The following CIC variants were observed in gnomAD, a reference collection of about 807,000 sequenced individuals.
The protein encoded by CIC is capicua transcriptional repressor.
In CIC, 18 loss-of-function variants were observed where a neutral mutation model predicts 115.7. The observed-to-expected ratio is 0.16, with a 90% CI of 0.11 to 0.23. The LOEUF is 0.23. CIC is among the 10% of genes least tolerant of loss of function. The pLI, the probability that CIC is intolerant of heterozygous loss-of-function variation, is 1.00. For missense variants in CIC, 2,000 were observed against 2,159.3 expected (o/e 0.93, Z 1.46); for synonymous variants, 1,076 against 923.0 (o/e 1.17, Z -3.01).
In CIC at chr19:42,280,338, AG is replaced by A. The variant is rs2037171787; in HGVS notation, c.2794+5762del. On this transcript the variant is annotated intron_variant, in intron 2 of 20. Coordinates refer to ENST00000681038, the MANE Select transcript of CIC (RefSeq NM_001386298.1). The surrounding 1 kb of genome is among the most constrained non-coding windows in gnomAD (Gnocchi z 4.9). ...CCTCTGAGCCTGTTTCTTGCGAAGT[AG>A]TCGGGGAAACCGGGTGCTCCGGGGG... 5 of 152,288 alleles carry A rather than the reference AG, an allele frequency of 3.3e-5. No homozygotes were observed. The South Asian group carries it at 1.0e-3, about 32-fold the overall frequency. 9.4% of individuals were successfully genotyped at this position (152,288 alleles called of 1,614,324 possible).
chr19:42,278,330 C>T (rs1380344155), intron 2 of CIC, among the ~76,000 whole-genome samples: 1 of 152,266 alleles, frequency 6.6e-6, no homozygotes, highest in Non-Finnish European at 1.5e-5. Flanking sequence ...CTGGCTTCCC[C>T]TTGTTGACAG....
At chr19:42,291,805 TTG>T in intron 12 of CIC, 60 bp downstream of exon 12, 1 of 1,597,124 alleles carries the variant, frequency 6.3e-7, no homozygotes, top group East Asian at 2.2e-5. Context: ...CATCATTTCT[TTG>T]TCTTTTTTTT....
Position 42,273,187 on chromosome 19 carries a change from C to G in CIC, c.1404C>G (p.Ala468=). Residue 468 remains alanine, a synonymous_variant, in exon 2 of 21, where the codon GCC becomes GCG. Transcript: ENST00000681038. ...ASLEKGTAPA[A]RARTPLTAAQ... The stretch of plus-strand genomic sequence containing the variant: ...TGGAAAAGGGGACAGCACCGGCAGC[C>G]CGGGCCCGCACGCCACTGACAGCCG... The G allele has an allele frequency of 2.5e-6, 1 of 398,806 alleles. No homozygotes were observed. The highest frequency in any genetic ancestry group is 4.4e-6 in the Non-Finnish European group (1 of 226,208). 24.7% of individuals were successfully genotyped at this position (398,806 alleles called of 1,614,324 possible).
chr19:42,294,030 T>G lies in CIC; in HGVS notation c.6863T>G (p.Leu2288Arg). 1 of 1,613,620 alleles carries G rather than the reference T, an allele frequency of 6.2e-7. No homozygotes were observed. The highest frequency in any genetic ancestry group is 1.1e-5 in the South Asian group (1 of 91,084). ...EVLPSPTLQS[L>R]ATSPRAILGS... Reference sequence around the variant, plus strand: ...CTGCCCTCCCCCACCCTGCAGTCTCTGGCCACCTCACCCCGGGCCATCCTG... The same window carrying G: ...CTGCCCTCCCCCACCCTGCAGTCTCGGGCCACCTCACCCCGGGCCATCCTG... Residue 2288 changes from leucine to arginine, a missense_variant, in exon 18 of 21, where the codon CTG (leucine) becomes CGG (arginine). By Grantham distance (102) the Leu-to-Arg change is moderately radical (BLOSUM62 -2). This residue lies in a region of CIC where 99 missense variants were observed against 217.6 expected (regional missense o/e 0.45). Transcript: ENST00000681038.
chr19:42,286,350 T>C (rs1372205082), intron 2 of CIC, among the ~76,000 whole-genome samples: 2 of 151,954 alleles, frequency 1.3e-5, no homozygotes, highest in Non-Finnish European at 2.9e-5. Flanking sequence ...AGACGCTGTG[T>C]TGGGCGGCGA....
At chr19:42,277,419 G>A (rs1027013973) in intron 2 of CIC, among the ~76,000 whole-genome samples, 1 of 152,106 alleles carries the variant, frequency 6.6e-6, no homozygotes, top group Non-Finnish European at 1.5e-5. Context: ...TAGTAGAGCC[G>A]AGGTTTCACC....
rs1175785554 is a variant in CIC, at chr19:42,291,291, C to T, written c.5250C>T (p.Ala1750=). 3 of 1,612,806 alleles carry T rather than the reference C, an allele frequency of 1.9e-6. No individual in the cohort carries two copies. The highest frequency in any genetic ancestry group is 2.2e-5 in the East Asian group (1 of 44,870). Residue 1750 remains alanine, a synonymous_variant, in exon 11 of 21, where the codon GCC becomes GCT. Transcript: ENST00000681038. ...CCCAGCAGCTTCAGGTGGCACCTGC[C>T]CCAGCACCAGCCCCTGGGACCAAGG... is the stretch of plus-strand genomic sequence containing the variant. ...TLPQQLQVAP[A]PAPAPGTKAA...
rs993850345 is a variant in CIC, at chr19:42,293,056, G to A, written c.6297G>A (p.Gly2099=). ...CAGCCATCGCCAGCATTCCCGTGGG[G>A]TCCTTTGAGGCAGGTGCCTCTGGGC... ...VKAAIASIPV[G]SFEAGASGRP... is the part of the protein sequence containing the mutation. Residue 2099 remains glycine, a synonymous_variant, in exon 16 of 21, where the codon GGG becomes GGA. Coordinates refer to ENST00000681038, the MANE Select transcript of CIC (RefSeq NM_001386298.1). The A allele has an allele frequency of 6.2e-7, 1 of 1,612,720 alleles. No homozygotes were observed. The highest frequency in any genetic ancestry group is 1.3e-5 in the African/African-American group (1 of 75,050).
rs1453091952 is a variant in CIC, at chr19:42,269,312, G to T, written c.-80G>T. 6.7e-6 allele frequency: 1 copy of T among 150,366 alleles called. No homozygotes were observed. Among genetic ancestry groups the T allele is most frequent in the African/African-American group, 2.5e-5 (1 of 40,782 alleles). The allele number at this position is 150,366 out of a possible 1,614,324, so 9.3% of individuals were successfully genotyped here. A position where few individuals can be genotyped will look rare whatever the true frequency, so the allele number is the denominator to read the frequency against. On this transcript the variant is annotated 5_prime_UTR_variant, in exon 1 of 21. Transcript: ENST00000681038. ...AATCGAGAGGGAGAGCCGGAGGGGG[G>T]GCGGGGAGGGACCGGACCGGACCGA...
Position 42,287,257 on chromosome 19 carries a change from C to T in CIC, c.3179+17C>T, listed in dbSNP as rs2147185904. ...TGATGATGCGTGAGTTCCCTGAGGCCTGGGACTTGGGGGTGGGATGGCCAG... is the reference window on the plus strand; with the variant it reads ...TGATGATGCGTGAGTTCCCTGAGGCTTGGGACTTGGGGGTGGGATGGCCAG... On this transcript the variant is annotated intron_variant, in intron 4 of 20. Coordinates refer to ENST00000681038, the MANE Select transcript of CIC (RefSeq NM_001386298.1). This position sits in a 1 kb window ranked among gnomAD's most constrained non-coding sequence, Gnocchi z 8.7. 1.2e-6 allele frequency: 2 copies of T among 1,613,996 alleles called. No homozygotes were observed. Among genetic ancestry groups the T allele is most frequent in the Non-Finnish European group, 1.7e-6 (2 of 1,179,990 alleles).
Position 42,290,951 on chromosome 19 carries a change from T to C in CIC, c.4910T>C (p.Val1637Ala). Residue 1637 changes from valine to alanine, a missense_variant, in exon 11 of 21, where the codon GTG (valine) becomes GCG (alanine). Around this residue, in one of 8 missense-constraint regions of CIC, gnomAD observed 1,466 missense variants for 1,390.4 expected, o/e 1.05. Coordinates refer to ENST00000681038, the MANE Select transcript of CIC (RefSeq NM_001386298.1). ...GGCTCCCCGCTGGGTGTCAGCTTAG[T>C]GTATTCGGACAAGAAGTCGGCAGCA... The part of the protein sequence containing the change: ...PGGSPLGVSL[V>A]YSDKKSAAAT... 1.2e-6 allele frequency: 2 copies of C among 1,613,668 alleles called. No homozygotes were observed. The highest frequency in any genetic ancestry group is 1.7e-6 in the Non-Finnish European group (2 of 1,180,000).
At chr19:42,281,588 G>GCAAGAGAGTGGGATGGCA (rs1349865268) in intron 2 of CIC, among the ~76,000 whole-genome samples, 1 of 152,156 alleles carries the variant, frequency 6.6e-6, no homozygotes, top group Admixed American at 6.5e-5. Flanking sequence ...AAGAGAGTGG[G>GCAAGAGAGTGGGATGGCA]AGCTGTCTAG....
chr19:42,285,499 TCTA>T (rs2037569445), intron 2 of CIC, among the ~76,000 whole-genome samples: 1 of 152,182 alleles, frequency 6.6e-6, no homozygotes. Flanking sequence ...TTTCCTGAGG[TCTA>T]CTTTTTCCTT....
At chr19:42,286,942 G>A (rs762256470) in intron 3 of CIC, 22 bp downstream of exon 3, 28 of 1,609,004 alleles carry the variant, frequency 1.7e-5, no homozygotes, top group Non-Finnish European at 2.1e-5. Context: ...TGGGGACTGG[G>A]GGGAGGCAAG....
Position 42,295,167 on chromosome 19 carries a change from C to T in CIC, c.7530C>T (p.Pro2510=), listed in dbSNP as rs1328550995. The T allele has an allele frequency of 1.3e-6, 2 of 1,524,464 alleles. No individual in the cohort carries two copies. The highest frequency in any genetic ancestry group is 1.2e-5 in the South Asian group (1 of 83,074). The allele number at this position is 1,524,464 out of a possible 1,614,324, so 94.4% of individuals were successfully genotyped here. A position where few individuals can be genotyped will look rare whatever the true frequency, so the allele number is the denominator to read the frequency against. ...AGCCCTCCCCCCCACCCCCAGGTCCCTCCACAGCTGCCACAGGCAGGTGAG... is the reference window on the plus strand; with the variant it reads ...AGCCCTCCCCCCCACCCCCAGGTCCTTCCACAGCTGCCACAGGCAGGTGAG... The part of the protein sequence containing the change: ...APQPSPPPPG[P]STAATGR Residue 2510 remains proline, a synonymous_variant, in exon 21 of 21, where the codon CCC becomes CCT. Coordinates refer to ENST00000681038, the MANE Select transcript of CIC (RefSeq NM_001386298.1).
rs1159134882 is a variant in CIC, at chr19:42,290,938, G to A, written c.4897G>A (p.Gly1633Ser). Residue 1633 changes from glycine (G) to serine (S), a missense_variant, in exon 11 of 21, where the codon GGT (glycine) becomes AGT (serine). Around this residue, in one of 8 missense-constraint regions of CIC, gnomAD observed 1,466 missense variants for 1,390.4 expected, o/e 1.05. Coordinates refer to ENST00000681038, the MANE Select transcript of CIC (RefSeq NM_001386298.1). Reference protein sequence around the residue: ...GSRVPGGSPLGVSLVYSDKKS... With the variant: ...GSRVPGGSPLSVSLVYSDKKS... ...TCGGGTGCCTGGGGGCTCCCCGCTG[G>A]GTGTCAGCTTAGTGTATTCGGACAA... 1.2e-6 allele frequency: 2 copies of A among 1,613,662 alleles called. No individual in the cohort carries two copies. The highest frequency in any genetic ancestry group is 1.7e-6 in the Non-Finnish European group (2 of 1,180,020).
At chr19:42,276,121 G>T (rs546450557) in intron 2 of CIC, among the ~76,000 whole-genome samples, 1 of 152,336 alleles carries the variant, frequency 6.6e-6, no homozygotes, top group South Asian at 2.1e-4. Context: ...ATGTGAGCCC[G>T]GCAGGGTAGG....
intron 2 of CIC, among the ~76,000 whole-genome samples, chr19:42,283,421 G>A (rs1568495896): frequency 6.6e-6 from 1 of 152,144 alleles, no homozygotes; most frequent in Non-Finnish European, 1.5e-5. Context: ...GCGATGGACC[G>A]TGAGCGTGTG....
chr19:42,283,709 C>T (rs2037375411), intron 2 of CIC, among the ~76,000 whole-genome samples: 1 of 152,046 alleles, frequency 6.6e-6, no homozygotes, highest in Non-Finnish European at 1.5e-5. Context: ...GGACTGGACA[C>T]ACAACAGCAC....
Sources: gnomAD v4.1 joint callset for allele counts (sites outside exome capture counted in the v4.1 genomes callset) on GRCh38, gnomAD v4.1.1 for gene constraint, gnomAD v4.1.1 regional missense constraint, Gnocchi (gnomAD v3.1) non-coding constraint, MANE v1.5 for transcripts, NCBI Gene and HGNC (gene_info 2026-07-23, HGNC 2026-07-21) for gene names.